TCERG1L: variants seen among roughly 807,000 people sequenced by gnomAD.
TCERG1L encodes the protein transcription elongation regulator 1 like, also known as transcription elongation regulator 1-like protein.
TCERG1L carries 37 observed loss-of-function variants against 56.3 expected under a neutral mutation model. The observed-to-expected ratio is 0.66, with a 90% CI of 0.51 to 0.87. The LOEUF is 0.87. Among genes scored for constraint, TCERG1L ranks in the 40% least tolerant of loss-of-function variants. The pLI, the probability that TCERG1L is intolerant of heterozygous loss-of-function variation, is 0.00. For synonymous variants in TCERG1L, 324 were observed against 326.3 expected, an observed-to-expected ratio of 0.99 and a Z score of 0.08; for missense variants, 799 against 774.2, an observed-to-expected ratio of 1.03 and a Z score of -0.38.
chr10:131,137,623 C>T (rs1029422976), intron 7 of TCERG1L, among the ~76,000 whole-genome samples: 1 of 152,208 alleles, frequency 6.6e-6, no homozygotes, highest in Non-Finnish European at 1.5e-5. Flanking sequence ...GAAACATCCA[C>T]ATTTCTTAAA....
chr10:131,285,329 G>A (rs2133566707), intron 3 of TCERG1L, among the ~76,000 whole-genome samples: 1 of 147,814 alleles, frequency 6.8e-6, no homozygotes, highest in African/African-American at 2.5e-5. Context: ...AGTGACCTAA[G>A]ATTGCCCTGC....
intron 3 of TCERG1L, among the ~76,000 whole-genome samples, chr10:131,261,660 C>T (rs1453842658): frequency 6.6e-6 from 1 of 152,238 alleles, no homozygotes; most frequent in Non-Finnish European, 1.5e-5. Context: ...AAGTGCCAGG[C>T]ATTTTCCAGC....
At chr10:131,162,245 G>A (rs12411530) in intron 6 of TCERG1L, 45,614 of 152,170 alleles carry the variant, frequency 0.3, 8,491 homozygotes, top group Non-Finnish European at 0.41. Flanking sequence ...GTCTCACCCC[G>A]AGGCACTCCC....
At chr10:131,205,374 A>G (rs1845508700) in intron 4 of TCERG1L, among the ~76,000 whole-genome samples, 2 of 152,066 alleles carry the variant, frequency 1.3e-5, no homozygotes, top group Non-Finnish European at 2.9e-5. Context: ...TAAAAAAAAA[A>G]AAAAACAGCA....
chr10:131,303,060 C>G (rs1041232692), intron 3 of TCERG1L, among the ~76,000 whole-genome samples: 1 of 151,944 alleles, frequency 6.6e-6, no homozygotes, highest in Non-Finnish European at 1.5e-5. Flanking sequence ...CAAGTCTTTG[C>G]TATCATGAAC....
intron 9 of TCERG1L, among the ~76,000 whole-genome samples, chr10:131,110,754 G>A (rs1350395422): frequency 6.6e-6 from 1 of 152,204 alleles, no homozygotes; most frequent in Non-Finnish European, 1.5e-5. Context: ...GAAACTCATC[G>A]TGCATTGTTC....
In TCERG1L at chr10:131,093,255, T is replaced by C; in HGVS notation, c.1668A>G (p.Lys556=). Residue 556 remains lysine (K), a synonymous_variant, in exon 12 of 12, where the codon AAA becomes AAG. Coordinates refer to ENST00000368642, the MANE Select transcript of TCERG1L (RefSeq NM_174937.4). ...GRDQRFRLVQ[K]RKDQEHFFNQ... ...TGAAAAAATGCTCCTGGTCCTTTCT[T>C]TTTTGAACAAGTCGGAACCTCTGAT... is the stretch of plus-strand genomic sequence containing the variant. 2.5e-6 allele frequency: 4 copies of C among 1,614,010 alleles called. No homozygotes were observed. The highest frequency in any genetic ancestry group is 3.4e-6 in the Non-Finnish European group (4 of 1,179,868).
intron 3 of TCERG1L, among the ~76,000 whole-genome samples, chr10:131,301,956 G>C (rs1008426770): frequency 2.0e-5 from 3 of 152,034 alleles, no homozygotes; most frequent in Non-Finnish European, 4.4e-5. Context: ...TAAGGCAAAA[G>C]TTGATAAGAA....
At chr10:131,123,684 C>T (rs953056733) in intron 8 of TCERG1L, among the ~76,000 whole-genome samples, 1 of 152,060 alleles carries the variant, frequency 6.6e-6, no homozygotes, top group African/African-American at 2.4e-5. Context: ...ACTTAGCGCT[C>T]GCTTCTCTGC....
chr10:131,182,575 A>C (rs1350721191), intron 4 of TCERG1L, among the ~76,000 whole-genome samples: 1 of 152,234 alleles, frequency 6.6e-6, no homozygotes, highest in Non-Finnish European at 1.5e-5. Flanking sequence ...CTGCATGACC[A>C]AAACAAAAGA....
At chr10:131,210,110 A>G (rs1649442242) in intron 4 of TCERG1L, among the ~76,000 whole-genome samples, 1 of 152,262 alleles carries the variant, frequency 6.6e-6, no homozygotes, top group Non-Finnish European at 1.5e-5. Flanking sequence ...AAAATATTCA[A>G]CATGAAATCC....
intron 8 of TCERG1L, among the ~76,000 whole-genome samples, chr10:131,122,950 G>A (rs1383125830): frequency 6.6e-6 from 1 of 152,212 alleles, no homozygotes; most frequent in East Asian, 1.9e-4. Context: ...AATCAAATTT[G>A]CTTCAATTGC....
At chr10:131,276,681 A>C (rs1454218283) in intron 3 of TCERG1L, among the ~76,000 whole-genome samples, 3 of 151,874 alleles carry the variant, frequency 2.0e-5, no homozygotes, top group Non-Finnish European at 4.4e-5. Flanking sequence ...AGATGATTAA[A>C]TGCCTCATCA....
intron 3 of TCERG1L, among the ~76,000 whole-genome samples, chr10:131,269,908 A>G (rs1178142437): frequency 6.6e-6 from 1 of 152,324 alleles, no homozygotes; most frequent in Middle Eastern, 3.4e-3. Context: ...CCTACTGGGC[A>G]GGTGAAGCCT....
chr10:131,108,900 G>C (rs1345962570), intron 9 of TCERG1L, among the ~76,000 whole-genome samples: 1 of 152,218 alleles, frequency 6.6e-6, no homozygotes, highest in East Asian at 1.9e-4. Flanking sequence ...GCTGCCTGCA[G>C]GTCCTTGCCC....
chr10:131,228,047 T>G (rs1328891206), intron 4 of TCERG1L, among the ~76,000 whole-genome samples: 2 of 151,696 alleles, frequency 1.3e-5, no homozygotes, highest in Non-Finnish European at 2.9e-5. Context: ...TGCTGTGTTT[T>G]CTCAGTGGCA....
intron 1 of TCERG1L, among the ~76,000 whole-genome samples, chr10:131,310,914 G>T (rs1846882976): frequency 6.6e-6 from 1 of 152,250 alleles, no homozygotes; most frequent in South Asian, 2.1e-4. Context: ...CAGAGACTGT[G>T]AAAGTCCTAA....
rs74611706 is a variant in TCERG1L, at chr10:131,245,096, C to T, written c.856+15163G>A. Among the ~76,000 whole-genome samples, 921 of 152,326 alleles carry T rather than the reference C, an allele frequency of 6.0e-3. 10 individuals carry two copies. Among genetic ancestry groups the T allele is most frequent in the Non-Finnish European group, 8.9e-3 (604 of 68,032 alleles). On this transcript the variant is annotated intron_variant, in intron 4 of 11. Coordinates refer to ENST00000368642, the MANE Select transcript of TCERG1L (RefSeq NM_174937.4). ...CCCAAGAAATTGGCTTGCTACCCTGCCCCCGGCCACAGATCTTGGCTGATG... is the reference window on the plus strand; with the variant it reads ...CCCAAGAAATTGGCTTGCTACCCTGTCCCCGGCCACAGATCTTGGCTGATG...
rs2133542705 is a variant in TCERG1L at position 131,260,190 on chromosome 10, A to T, written c.856+69T>A. Reference sequence around the variant, plus strand: ...CAGCGCCTGGGCCCAGGCCAGGGGCATCTAACCAGGAAGCCTCCGCGCGCT... The same window carrying T: ...CAGCGCCTGGGCCCAGGCCAGGGGCTTCTAACCAGGAAGCCTCCGCGCGCT... On this transcript the variant is annotated intron_variant, in intron 4 of 11. Coordinates refer to ENST00000368642, the MANE Select transcript of TCERG1L (RefSeq NM_174937.4). This position sits in a 1 kb window ranked among gnomAD's most constrained non-coding sequence, Gnocchi z 5.8. The T allele has an allele frequency of 7.9e-7, 1 of 1,271,970 alleles. No individual in the cohort carries two copies. The highest frequency in any genetic ancestry group is 9.9e-7 in the Non-Finnish European group (1 of 1,007,624). The allele number at this position is 1,271,970 out of a possible 1,614,324, so 78.8% of individuals were successfully genotyped here.
Sources: gnomAD v4.1 joint callset for allele counts (sites outside exome capture counted in the v4.1 genomes callset) on GRCh38, gnomAD v4.1.1 for gene constraint, Gnocchi (gnomAD v3.1) non-coding constraint, MANE v1.5 for transcripts, NCBI Gene and HGNC (gene_info 2026-07-23, HGNC 2026-07-21) for gene names.